The following CNTLN variants were observed in gnomAD, a reference collection of about 807,000 sequenced individuals.
CNTLN encodes centlein, centrosomal protein.
In CNTLN, 212 loss-of-function variants were observed where a neutral mutation model predicts 180.0. The observed-to-expected ratio is 1.18, with a 90% CI of 1.05 to 1.32. CNTLN has a LOEUF of 1.32. CNTLN is among the 40% of genes most tolerant of loss of function. CNTLN has a pLI of 0.00. For missense variants in CNTLN, 2,095 were observed against 1,610.9 expected (o/e 1.30, Z -5.14); for synonymous variants, 722 against 563.1 (o/e 1.28, Z -3.99).
Position 17,298,261 on chromosome 9 carries a change from T to C in CNTLN, c.1055T>C (p.Ile352Thr). 6.2e-7 allele frequency: 1 copy of C among 1,613,384 alleles called. No individual in the cohort carries two copies. The highest frequency in any genetic ancestry group is 8.5e-7 in the Non-Finnish European group (1 of 1,179,756). Residue 352 changes from isoleucine (I) to threonine (T), a missense_variant, in exon 7 of 26, where the codon ATC becomes ACC. Physicochemically the swap from Ile to Thr is moderately conservative, Grantham distance 89. Transcript: ENST00000380647. Reference sequence around the variant, plus strand: ...CATACAGCCCAGCAAGCAGAGCTGATCCAGCAGCTTCAGGTTCTCAATATG... The same window carrying C: ...CATACAGCCCAGCAAGCAGAGCTGACCCAGCAGCTTCAGGTTCTCAATATG... ...STHTAQQAEL[I>T]QQLQVLNMDT...
At chr9:17,527,911 C>A in the CNTLN span, among the ~76,000 whole-genome samples, 2 of 151,940 alleles carry the variant, frequency 1.3e-5, no homozygotes, top group Non-Finnish European at 2.9e-5. Flanking sequence ...GGAAAAGAGT[C>A]CCCAGTGGCT....
intron 2 of CNTLN, among the ~76,000 whole-genome samples, chr9:17,192,307 C>T (rs1390578594): frequency 2.7e-5 from 4 of 146,472 alleles, no homozygotes; most frequent in Non-Finnish European, 4.5e-5. Context: ...GGCGCCATCT[C>T]GGCTCACTGC....
chr9:17,148,551 C>G (rs1241323916), intron 2 of CNTLN, among the ~76,000 whole-genome samples: 3 of 152,206 alleles, frequency 2.0e-5, no homozygotes, highest in Non-Finnish European at 4.4e-5. Context: ...TGGCATGTCA[C>G]AACCTTCTTA....
At chr9:17,221,638 CATGATGACAA>C (rs1824141762) in intron 2 of CNTLN, among the ~76,000 whole-genome samples, 1 of 152,022 alleles carries the variant, frequency 6.6e-6, no homozygotes, top group Non-Finnish European at 1.5e-5. Flanking sequence ...GACCTTGAAC[CATGATGACAA>C]TGATCTTGTA....
intron 19 of CNTLN, among the ~76,000 whole-genome samples, chr9:17,458,532 C>T (rs1831268702): frequency 6.6e-6 from 1 of 151,704 alleles, no homozygotes; most frequent in South Asian, 2.1e-4. Context: ...AATAATCATC[C>T]CTGTTAGGAG....
intron 16 of CNTLN, among the ~76,000 whole-genome samples, chr9:17,414,871 C>G (rs1252224568): frequency 1.3e-5 from 2 of 152,182 alleles, no homozygotes; most frequent in African/African-American, 4.8e-5. Flanking sequence ...GAGTGGCTCA[C>G]TGGATACCAG....
In CNTLN at chr9:17,376,538, G is replaced by A. The variant is rs543222716; in HGVS notation, c.1987+9821G>A. ...GCCATCTCGTCTCACTGCAAGCTCC[G>A]CCTCCCGGGTTCACGCCGTTCTCCT... is the stretch of plus-strand genomic sequence containing the variant. On this transcript the variant is annotated intron_variant, in intron 13 of 25. Transcript: ENST00000380647. Among the ~76,000 whole-genome samples the A allele has an allele frequency of 1.6e-4, 24 of 151,154 alleles. No homozygotes were observed. The South Asian group carries it at 3.3e-3, about 21-fold the overall frequency.
At chr9:17,333,801 C>A (rs1213385113) in intron 10 of CNTLN, among the ~76,000 whole-genome samples, 1 of 152,094 alleles carries the variant, frequency 6.6e-6, no homozygotes, top group Non-Finnish European at 1.5e-5. Flanking sequence ...TTATAAAGAA[C>A]TTAGATAAAC....
At chr9:17,303,387 CTT>C (rs1187884815) in intron 7 of CNTLN, among the ~76,000 whole-genome samples, 2 of 152,148 alleles carry the variant, frequency 1.3e-5, no homozygotes, top group African/African-American at 2.4e-5. Flanking sequence ...TCATTGCTCT[CTT>C]TTTGGTGACC....
rs192465680 is a variant in CNTLN at position 17,267,930 on chromosome 9, C to T, written c.850-5803C>T. On this transcript the variant is annotated intron_variant, in intron 5 of 25. Transcript: ENST00000380647. Reference sequence around the variant, plus strand: ...TCTCTGCATTAGTTGTTCTAGTTATCCATTCGTCTAATTTTTTTTTCAAAC... The same window carrying T: ...TCTCTGCATTAGTTGTTCTAGTTATTCATTCGTCTAATTTTTTTTTCAAAC... Among the ~76,000 whole-genome samples the T allele has an allele frequency of 2.9e-3, 447 of 152,214 alleles. 5 individuals are homozygous for T. The highest frequency in any genetic ancestry group is 0.01 in the African/African-American group (427 of 41,538).
In CNTLN at chr9:17,312,569, T is replaced by G. The variant is rs1282812098; in HGVS notation, c.1341+3317T>G. ...GCCCGGCTAATTTTTTTTTTTTTTT[T>G]TTTTTTTGTATTTTTAGTAGAGACA... On this transcript the variant is annotated intron_variant, in intron 8 of 25. Coordinates refer to ENST00000380647, the MANE Select transcript of CNTLN (RefSeq NM_017738.4). Among the ~76,000 whole-genome samples the G allele has an allele frequency of 1.2e-4, 17 of 141,936 alleles. 1 individual carries two copies. The East Asian group carries it at 2.4e-3, about 20-fold the overall frequency. The allele number at this position is 141,936 out of a possible 152,430, so 93.1% of individuals were successfully genotyped here.
At chr9:17,182,861 G>A (rs1346665767) in intron 2 of CNTLN, among the ~76,000 whole-genome samples, 1 of 152,188 alleles carries the variant, frequency 6.6e-6, no homozygotes, top group Non-Finnish European at 1.5e-5. Flanking sequence ...CCATGAAGCT[G>A]TATTCAGTTG....
chr9:17,378,440 A>C (rs911376893), intron 13 of CNTLN, among the ~76,000 whole-genome samples: 2 of 152,000 alleles, frequency 1.3e-5, no homozygotes, highest in Non-Finnish European at 2.9e-5. Context: ...TGACCTCCCA[A>C]AGTGCTGGGA....
At position 17,166,152 on chromosome 9, in the gene CNTLN, A is replaced by C. The variant is rs556015962; in HGVS notation, c.449+22776A>C. Among the ~76,000 whole-genome samples, 5 of 152,304 alleles carry C rather than the reference A, an allele frequency of 3.3e-5. No homozygotes were observed. The South Asian group carries it at 1.0e-3, about 32-fold the overall frequency. On this transcript the variant is annotated intron_variant, in intron 2 of 25. Transcript: ENST00000380647. Reference sequence around the variant, plus strand: ...ACAAAGGAAAAAACTCCTATGATTAATATTGTAAGACATGTAAGGGAAAAT... The same window carrying C: ...ACAAAGGAAAAAACTCCTATGATTACTATTGTAAGACATGTAAGGGAAAAT...
chr9:17,215,036 G>A (rs1181306220), intron 2 of CNTLN, among the ~76,000 whole-genome samples: 1 of 152,142 alleles, frequency 6.6e-6, no homozygotes, highest in East Asian at 1.9e-4. Flanking sequence ...ATTGTCTGAA[G>A]CCTTCTTTTC....
chr9:17,408,127 T>TAAA (rs1827545039), intron 15 of CNTLN, among the ~76,000 whole-genome samples: 1 of 5,252 alleles, frequency 1.9e-4, no homozygotes, highest in Admixed American at 2.0e-3. Context: ...AGACTCTGTC[T>TAAA]CAAAAAAAAA....
rs1818217031 is a variant in CNTLN, at chr9:17,299,750, CTTGTTAA to C, written c.1146+1405_1146+1411del. 4 of 979,106 alleles carry C rather than the reference CTTGTTAA, an allele frequency of 4.1e-6. No homozygotes were observed. The South Asian group carries it at 1.4e-4, about 35-fold the overall frequency. 60.7% of individuals were successfully genotyped at this position (979,106 alleles called of 1,614,324 possible). ...TTTGAAACACTGTACTTTATTAATA[CTTGTTAA>C]TTGTTATTAATACTAATTAATTGTT... On this transcript the variant is annotated intron_variant, in intron 7 of 25. Coordinates refer to ENST00000380647, the MANE Select transcript of CNTLN (RefSeq NM_017738.4).
chr9:17,519,108 T>G, the CNTLN span, among the ~76,000 whole-genome samples: 34 of 152,014 alleles, frequency 2.2e-4, no homozygotes, highest in African/African-American at 8.2e-4. Flanking sequence ...TTATTTATTT[T>G]TTAAAGAGAG....
intron 18 of CNTLN, among the ~76,000 whole-genome samples, chr9:17,417,771 A>G (rs1020604377): frequency 6.6e-6 from 1 of 152,026 alleles, no homozygotes; most frequent in Non-Finnish European, 1.5e-5. Flanking sequence ...TCTGTGTTAG[A>G]CATACTTTTT....
Sources: gnomAD v4.1 joint callset for allele counts (sites outside exome capture counted in the v4.1 genomes callset) on GRCh38, gnomAD v4.1.1 for gene constraint, MANE v1.5 for transcripts, NCBI Gene and HGNC (gene_info 2026-07-23, HGNC 2026-07-21) for gene names.